DPP10: variants seen among roughly 807,000 people sequenced by gnomAD.
DPP10 encodes the protein inactive dipeptidyl peptidase 10.
In DPP10, 33 loss-of-function variants were observed where a neutral mutation model predicts 120.9. That is an observed-to-expected ratio of 0.27 (90% CI 0.21 to 0.37). The LOEUF is 0.37. Ranked by LOEUF, DPP10 falls within the 10% of genes least tolerant of loss-of-function variation. The pLI is 1.00. For missense variants in DPP10, 816 were observed against 942.8 expected, an observed-to-expected ratio of 0.87 and a Z score of 1.76; for synonymous variants, 337 against 326.1, an observed-to-expected ratio of 1.03 and a Z score of -0.36.
intron 1 of DPP10, among the ~76,000 whole-genome samples, chr2:114,969,703 T>A (rs1699265751): frequency 6.6e-6 from 1 of 152,156 alleles, no homozygotes; most frequent in Admixed American, 6.5e-5. Flanking sequence ...GGAAATGATA[T>A]GTGGTTCTTC....
intron 24 of DPP10, 145 bp downstream of exon 24, chr2:115,836,891 G>A (rs1483522931): frequency 3.0e-6 from 2 of 676,862 alleles, no homozygotes; most frequent in East Asian, 2.7e-5. Context: ...CATGATAGAA[G>A]GTGGGAAAAA....
chr2:114,892,363 T>C (rs1692612833), intron 1 of DPP10, among the ~76,000 whole-genome samples: 2 of 152,186 alleles, frequency 1.3e-5, no homozygotes, highest in Non-Finnish European at 2.9e-5. Flanking sequence ...AGATTTCATA[T>C]GCCAATTTCC....
At chr2:115,095,145 A>G (rs1182475987) in intron 1 of DPP10, among the ~76,000 whole-genome samples, 6 of 152,222 alleles carry the variant, frequency 3.9e-5, no homozygotes, top group African/African-American at 1.4e-4. Context: ...GTTAAATTAA[A>G]CAATTGAAAT....
At chr2:114,548,933 G>A (rs904850959) in intron 1 of DPP10, among the ~76,000 whole-genome samples, 2 of 152,170 alleles carry the variant, frequency 1.3e-5, no homozygotes, top group African/African-American at 2.4e-5. Context: ...TGTGTTTAAA[G>A]CACTCTGATG....
chr2:115,620,986 C>A (rs1415030459), intron 5 of DPP10, among the ~76,000 whole-genome samples: 3 of 152,136 alleles, frequency 2.0e-5, no homozygotes, highest in African/African-American at 4.8e-5. Flanking sequence ...ACTTCAAACC[C>A]ATTCTGAAAA....
At chr2:114,658,997 T>C (rs1697183278) in intron 1 of DPP10, among the ~76,000 whole-genome samples, 1 of 152,180 alleles carries the variant, frequency 6.6e-6, no homozygotes, top group South Asian at 2.1e-4. Context: ...TGACATCTGA[T>C]GGTTTTTTAA....
intron 14 of DPP10, 75 bp from the exon 15 acceptor site, chr2:115,777,704 TCAATGTGA>T (rs1484650073): frequency 7.1e-7 from 1 of 1,405,376 alleles, no homozygotes; most frequent in Non-Finnish European, 1.0e-6. Flanking sequence ...AATTCAGGAT[TCAATGTGA>T]CAATGTGACA....
At chr2:115,809,999 T>TA (rs1341245188) in intron 19 of DPP10, among the ~76,000 whole-genome samples, 1 of 151,954 alleles carries the variant, frequency 6.6e-6, no homozygotes, top group Non-Finnish European at 1.5e-5. Context: ...TCATCTCTAC[T>TA]AAAAATACAA....
chr2:114,776,512 G>A (rs532608814), intron 1 of DPP10, among the ~76,000 whole-genome samples: 27 of 152,258 alleles, frequency 1.8e-4, no homozygotes, highest in African/African-American at 6.3e-4. Context: ...AGCTCCTTAG[G>A]AGCTAGCGCT....
At chr2:115,599,273 CTT>C (rs1254322841) in intron 5 of DPP10, among the ~76,000 whole-genome samples, 1 of 152,112 alleles carries the variant, frequency 6.6e-6, no homozygotes, top group African/African-American at 2.4e-5. Flanking sequence ...GCTCCATTTT[CTT>C]TCTCTCCCCT....
intron 1 of DPP10, among the ~76,000 whole-genome samples, chr2:115,024,712 A>G (rs1703333935): frequency 6.8e-6 from 1 of 147,780 alleles, no homozygotes; most frequent in South Asian, 2.1e-4. Flanking sequence ...TATATTTGTT[A>G]AATATATTTG....
intron 1 of DPP10, among the ~76,000 whole-genome samples, chr2:115,191,149 AT>A (rs898065319): frequency 5.3e-5 from 8 of 152,182 alleles, no homozygotes; most frequent in Non-Finnish European, 1.0e-4. Context: ...GGTTACAGTG[AT>A]TTATCTGACC....
intron 3 of DPP10, among the ~76,000 whole-genome samples, chr2:115,433,241 C>T (rs2071169610): frequency 6.6e-6 from 1 of 151,912 alleles, no homozygotes; most frequent in Non-Finnish European, 1.5e-5. Context: ...CATTTTCATG[C>T]CACTGCTTTA....
intron 1 of DPP10, among the ~76,000 whole-genome samples, chr2:114,749,347 G>A (rs1300028779): frequency 2.0e-5 from 3 of 151,894 alleles, no homozygotes; most frequent in Non-Finnish European, 4.4e-5. Context: ...CTGAAGATCT[G>A]GAGTTCCCAG....
chr2:114,920,576 A>G (rs1029961917), intron 1 of DPP10, among the ~76,000 whole-genome samples: 3 of 152,248 alleles, frequency 2.0e-5, no homozygotes, highest in East Asian at 1.9e-4. Flanking sequence ...GCCTGTGGTG[A>G]GATAAAAGAG....
intron 1 of DPP10, among the ~76,000 whole-genome samples, chr2:115,128,728 AT>A (rs1266448726): frequency 1.3e-5 from 2 of 152,170 alleles, no homozygotes; most frequent in Non-Finnish European, 2.9e-5. Context: ...TTTTGTCCAT[AT>A]TTTCTAGTAG....
Position 114,928,471 on chromosome 2 carries a change from C to T in DPP10, c.61-380768C>T, listed in dbSNP as rs147984715. Among the ~76,000 whole-genome samples the T allele has an allele frequency of 2.9e-4, 44 of 152,242 alleles. No homozygotes were observed. In the East Asian group the frequency reaches 8.3e-3, roughly 29 times the overall value. The stretch of plus-strand genomic sequence containing the variant: ...ATTGACTACATGTCCCACATCCTGA[C>T]ACACTGGAAGAAGAGGTGGGCTCCC... On this transcript the variant is annotated intron_variant, in intron 1 of 25. Transcript: ENST00000410059.
intron 1 of DPP10, among the ~76,000 whole-genome samples, chr2:114,876,024 T>A (rs1156776593): frequency 1.3e-5 from 2 of 152,142 alleles, no homozygotes; most frequent in African/African-American, 4.8e-5. Flanking sequence ...TGATAGTATA[T>A]TCAGTATTCT....
intron 1 of DPP10, among the ~76,000 whole-genome samples, chr2:115,152,047 T>C (rs1428515056): frequency 6.6e-6 from 1 of 152,228 alleles, no homozygotes; most frequent in Non-Finnish European, 1.5e-5. Context: ...ATGATTTTCT[T>C]AATGTCCTTT....
Sources: gnomAD v4.1 joint callset for allele counts (sites outside exome capture counted in the v4.1 genomes callset) on GRCh38, gnomAD v4.1.1 for gene constraint, MANE v1.5 for transcripts, NCBI Gene and HGNC (gene_info 2026-07-23, HGNC 2026-07-21) for gene names.